MYRIP: variants seen among roughly 807,000 people sequenced by gnomAD.
MYRIP encodes rab effector MyRIP.
MYRIP carries 49 observed loss-of-function variants against 98.0 expected under a neutral mutation model. That is an observed-to-expected ratio of 0.50 (90% CI 0.40 to 0.63). The LOEUF (loss-of-function observed/expected upper bound fraction) is 0.63. MYRIP is among the 30% of genes least tolerant of loss of function. The probability of loss-of-function intolerance (pLI) is 0.00; values close to 1 mark genes in which losing one functional copy is unlikely to be tolerated. For missense variants in MYRIP, 1,004 were observed against 1,058.2 expected, an observed-to-expected ratio of 0.95 and a Z score of 0.71; for synonymous variants, 404 against 409.5, an observed-to-expected ratio of 0.99 and a Z score of 0.16.
chr3:39,871,577 C>T (rs1006392747), intron 1 of MYRIP, among the ~76,000 whole-genome samples: 2 of 152,060 alleles, frequency 1.3e-5, no homozygotes. Context: ...GACTCAATTT[C>T]TCTCAATTAA....
intron 3 of MYRIP, among the ~76,000 whole-genome samples, chr3:40,054,668 C>A (rs946844197): frequency 6.6e-6 from 1 of 152,116 alleles, no homozygotes; most frequent in South Asian, 2.1e-4. Flanking sequence ...GCTGCAACAT[C>A]CACTCTTCCC....
intron 3 of MYRIP, among the ~76,000 whole-genome samples, chr3:40,119,476 A>G (rs1949352453): frequency 6.6e-6 from 1 of 152,254 alleles, no homozygotes; most frequent in South Asian, 2.1e-4. Flanking sequence ...GTATAAGTGC[A>G]CAAGTAACTG....
intron 2 of MYRIP, among the ~76,000 whole-genome samples, chr3:39,975,578 C>G (rs1377044394): frequency 2.0e-5 from 3 of 151,962 alleles, no homozygotes; most frequent in Non-Finnish European, 2.9e-5. Flanking sequence ...CAAAAAAGAG[C>G]CCGCATTGCC....
At chr3:40,141,631 A>T (rs562425843) in intron 3 of MYRIP, among the ~76,000 whole-genome samples, 63 of 152,252 alleles carry the variant, frequency 4.1e-4, no homozygotes, top group African/African-American at 1.5e-3. Flanking sequence ...GTAGGGTGAG[A>T]GGTGGAAGTC....
At chr3:39,991,955 G>T (rs1051686116) in intron 2 of MYRIP, among the ~76,000 whole-genome samples, 2 of 152,080 alleles carry the variant, frequency 1.3e-5, no homozygotes, top group African/African-American at 4.8e-5. Context: ...GTATATATTA[G>T]ATTAAATAAC....
At chr3:39,922,237 ACC>A (rs1944321769) in intron 2 of MYRIP, among the ~76,000 whole-genome samples, 2 of 152,328 alleles carry the variant, frequency 1.3e-5, no homozygotes, top group South Asian at 4.1e-4. Flanking sequence ...CATCTCCAAA[ACC>A]AGCAAAAGCC....
chr3:40,248,362 T>C (rs1953268543), intron 13 of MYRIP: 1 of 152,236 alleles, frequency 6.6e-6, no homozygotes. Flanking sequence ...TTCTGAGTAC[T>C]TGGTCTTCGA....
chr3:39,980,490 G>C (rs1172596145), intron 2 of MYRIP, among the ~76,000 whole-genome samples: 1 of 152,222 alleles, frequency 6.6e-6, no homozygotes, highest in African/African-American at 2.4e-5. Context: ...CAGATGCTAA[G>C]AGAACATATA....
chr3:40,026,282 C>G (rs1947125532), intron 2 of MYRIP, among the ~76,000 whole-genome samples: 1 of 152,130 alleles, frequency 6.6e-6, no homozygotes, highest in South Asian at 2.1e-4. Flanking sequence ...TTTTGTCCGA[C>G]CCCGCAGGCA....
rs1951424142 is a variant in MYRIP at position 40,197,428 on chromosome 3, CA to C, written c.1665+6966del. Among the ~76,000 whole-genome samples, 3 of 152,294 alleles carry C rather than the reference CA, an allele frequency of 2.0e-5. No homozygotes were observed. In the South Asian group the frequency reaches 6.2e-4, roughly 32 times the overall value. On this transcript the variant is annotated intron_variant, in intron 10 of 16. Coordinates refer to ENST00000302541, the MANE Select transcript of MYRIP (RefSeq NM_015460.4). The stretch of plus-strand genomic sequence containing the variant: ...AATCCATAACATAAACCGCTGAACA[CA>C]CTCTTCTGTCCTCCTAAACCCAACC...
intron 2 of MYRIP, among the ~76,000 whole-genome samples, chr3:39,936,614 C>G (rs1176293305): frequency 6.6e-6 from 1 of 152,186 alleles, no homozygotes; most frequent in African/African-American, 2.4e-5. Context: ...CAGTGAGACT[C>G]AGGGAGACAC....
chr3:39,937,282 A>G (rs1470917944), intron 2 of MYRIP, among the ~76,000 whole-genome samples: 1 of 152,220 alleles, frequency 6.6e-6, no homozygotes, highest in African/African-American at 2.4e-5. Flanking sequence ...GTAAAATGTG[A>G]AAGAGAAAGT....
chr3:39,979,038 T>C (rs1467057272), intron 2 of MYRIP, among the ~76,000 whole-genome samples: 1 of 152,202 alleles, frequency 6.6e-6, no homozygotes, highest in Non-Finnish European at 1.5e-5. Context: ...TGTACATTAG[T>C]GTTGACTCGT....
intron 1 of MYRIP, among the ~76,000 whole-genome samples, chr3:39,894,706 C>T (rs114929280): frequency 0.012 from 1,874 of 152,270 alleles, 41 homozygotes; most frequent in African/African-American, 0.043. Context: ...TGTACCACAA[C>T]TTAACCTGTC....
At chr3:40,196,436 T>A (rs945105965) in intron 10 of MYRIP, among the ~76,000 whole-genome samples, 2 of 152,210 alleles carry the variant, frequency 1.3e-5, no homozygotes, top group African/African-American at 4.8e-5. Flanking sequence ...TTCCAAGTAA[T>A]TGATCATTTC....
chr3:39,818,110 T>A (rs2125568467), intron 1 of MYRIP, among the ~76,000 whole-genome samples: 1 of 152,336 alleles, frequency 6.6e-6, no homozygotes, highest in African/African-American at 2.4e-5. Flanking sequence ...AAACCATTCT[T>A]TTAAGACATT....
chr3:39,860,454 G>A (rs534931286), intron 1 of MYRIP, among the ~76,000 whole-genome samples: 1 of 152,264 alleles, frequency 6.6e-6, no homozygotes, highest in Middle Eastern at 3.4e-3. Context: ...TTAGCCTTTG[G>A]GGAACTGTCA....
intron 2 of MYRIP, among the ~76,000 whole-genome samples, chr3:40,000,955 C>A (rs1161030043): frequency 1.3e-5 from 2 of 152,188 alleles, no homozygotes; most frequent in African/African-American, 4.8e-5. Flanking sequence ...TTCTGCATTT[C>A]AATGATAACT....
At chr3:40,237,439 C>T (rs1046328372) in intron 12 of MYRIP, among the ~76,000 whole-genome samples, 5 of 152,186 alleles carry the variant, frequency 3.3e-5, no homozygotes, top group Non-Finnish European at 5.9e-5. Flanking sequence ...TCAAAAATGT[C>T]TCTAGACATT....
Sources: gnomAD v4.1 joint callset for allele counts (sites outside exome capture counted in the v4.1 genomes callset) on GRCh38, gnomAD v4.1.1 for gene constraint, MANE v1.5 for transcripts, NCBI Gene and HGNC (gene_info 2026-07-23, HGNC 2026-07-21) for gene names.